SKAP2: variants seen among roughly 807,000 people sequenced by gnomAD.
SKAP2 encodes src kinase-associated phosphoprotein 2.
SKAP2 carries 28 observed loss-of-function variants against 54.9 expected under a neutral mutation model. That is an observed-to-expected ratio of 0.51 (90% CI 0.38 to 0.70). The LOEUF (loss-of-function observed/expected upper bound fraction) is 0.70. SKAP2 is among the 30% of genes least tolerant of loss of function. SKAP2 has a pLI of 0.00. For synonymous variants in SKAP2, 137 were observed against 134.3 expected (o/e 1.02, Z -0.14); for missense variants, 356 against 424.1 (o/e 0.84, Z 1.41).
chr7:26,777,293 T>C (rs1447447495), intron 4 of SKAP2, among the ~76,000 whole-genome samples: 5 of 152,104 alleles, frequency 3.3e-5, no homozygotes, highest in African/African-American at 9.7e-5. Flanking sequence ...GATGCTTGAA[T>C]AAAACACAAA....
chr7:26,782,716 T>G, intron 4 of SKAP2, among the ~76,000 whole-genome samples: 1 of 152,026 alleles, frequency 6.6e-6, no homozygotes, highest in East Asian at 1.9e-4. Flanking sequence ...GGTGGAGCCT[T>G]TGGGAGGTGA....
intron 4 of SKAP2, among the ~76,000 whole-genome samples, chr7:26,822,646 C>A (rs62448195): frequency 0.045 from 6,846 of 151,532 alleles, 397 homozygotes; most frequent in East Asian, 0.3. Flanking sequence ...GAGGCCAAGG[C>A]GGGTGGATCA....
At chr7:26,709,372 G>C (rs1165248482) in intron 9 of SKAP2, among the ~76,000 whole-genome samples, 4 of 152,158 alleles carry the variant, frequency 2.6e-5, no homozygotes, top group African/African-American at 9.7e-5. Flanking sequence ...AAAGGGTGTG[G>C]AGTGGAAAAG....
intron 9 of SKAP2, among the ~76,000 whole-genome samples, chr7:26,706,964 C>G (rs570533791): frequency 6.6e-6 from 1 of 152,156 alleles, no homozygotes; most frequent in South Asian, 2.1e-4. Flanking sequence ...AATTTTTATC[C>G]TAAATAGCAT....
At chr7:26,677,226 A>G (rs918956460) in intron 11 of SKAP2, among the ~76,000 whole-genome samples, 11 of 152,148 alleles carry the variant, frequency 7.2e-5, no homozygotes, top group African/African-American at 2.7e-4. Flanking sequence ...CCCTATGTCT[A>G]CTAAAAATAC....
intron 4 of SKAP2, among the ~76,000 whole-genome samples, chr7:26,811,157 C>T (rs58760954): frequency 0.21 from 32,307 of 151,966 alleles, 3,519 homozygotes; most frequent in Non-Finnish European, 0.24. Flanking sequence ...ATTCGTGTTC[C>T]ACCAGAAAAA....
chr7:26,743,351 G>GT (rs1782496135), intron 4 of SKAP2, among the ~76,000 whole-genome samples: 1 of 151,942 alleles, frequency 6.6e-6, no homozygotes. Context: ...TAATGTAAAC[G>GT]TAAGACTATG....
chr7:26,848,827 T>C (rs1008715010), intron 3 of SKAP2, among the ~76,000 whole-genome samples: 1 of 152,198 alleles, frequency 6.6e-6, no homozygotes, highest in African/African-American at 2.4e-5. Context: ...TCTAGGTCAA[T>C]GAAAGGAAGA....
chr7:26,755,729 C>A (rs192655453), intron 4 of SKAP2, among the ~76,000 whole-genome samples: 1 of 152,224 alleles, frequency 6.6e-6, no homozygotes, highest in Non-Finnish European at 1.5e-5. Flanking sequence ...AATGAACAAA[C>A]AAATGAATAA....
At chr7:26,830,214 G>A (rs563424659) in intron 4 of SKAP2, among the ~76,000 whole-genome samples, 3 of 152,140 alleles carry the variant, frequency 2.0e-5, no homozygotes, top group Non-Finnish European at 2.9e-5. Context: ...TAGATTCATA[G>A]TTGCCTAGGC....
intron 3 of SKAP2, 54 bp from the exon 4 acceptor site, chr7:26,844,191 A>G: frequency 1.9e-6 from 2 of 1,057,854 alleles, no homozygotes; most frequent in African/African-American, 3.1e-5. Flanking sequence ...AGCCATTTAA[A>G]GTAATGTTAC....
At chr7:26,696,934 C>T (rs1029531689) in intron 9 of SKAP2, among the ~76,000 whole-genome samples, 2 of 151,880 alleles carry the variant, frequency 1.3e-5, no homozygotes, top group Non-Finnish European at 2.9e-5. Context: ...AAAAAAATAC[C>T]CATACACACA....
intron 4 of SKAP2, among the ~76,000 whole-genome samples, chr7:26,781,436 T>C (rs1432724997): frequency 6.6e-6 from 1 of 152,152 alleles, no homozygotes; most frequent in Non-Finnish European, 1.5e-5. Flanking sequence ...AAGATGGAAG[T>C]GCAAATACCA....
At chr7:26,716,330 A>G (rs1366849565) in intron 9 of SKAP2, among the ~76,000 whole-genome samples, 1 of 136,892 alleles carries the variant, frequency 7.3e-6, no homozygotes, top group Non-Finnish European at 1.5e-5. Flanking sequence ...TTTGAGCTTT[A>G]TCTTCTTTCA....
chr7:26,702,942 C>T (rs1459061705), intron 9 of SKAP2, among the ~76,000 whole-genome samples: 1 of 152,224 alleles, frequency 6.6e-6, no homozygotes, highest in Non-Finnish European at 1.5e-5. Flanking sequence ...GGTTATCAAA[C>T]TTCAGCAGCA....
At chr7:26,834,699 A>G (rs1191665121) in intron 4 of SKAP2, among the ~76,000 whole-genome samples, 2 of 152,216 alleles carry the variant, frequency 1.3e-5, no homozygotes, top group Non-Finnish European at 2.9e-5. Context: ...TGAGGCAGTA[A>G]TTAACAGCCT....
chr7:26,708,224 G>C lies in SKAP2; in HGVS notation c.796+17204C>G, dbSNP rs150736533. Among the ~76,000 whole-genome samples the C allele has an allele frequency of 5.7e-3, 862 of 152,250 alleles. 4 individuals carry two copies. Among genetic ancestry groups the C allele is most frequent in the Non-Finnish European group, 0.01 (686 of 68,010 alleles). On this transcript the variant is annotated intron_variant, in intron 9 of 12. Coordinates refer to ENST00000345317, the MANE Select transcript of SKAP2 (RefSeq NM_003930.5). Reference sequence around the variant, plus strand: ...GAGATTCAAAACACATTATTACACTGGTCCCATCTCTTTGCTTTCACTGGG... The same window carrying C: ...GAGATTCAAAACACATTATTACACTCGTCCCATCTCTTTGCTTTCACTGGG...
intron 4 of SKAP2, among the ~76,000 whole-genome samples, chr7:26,750,293 G>A (rs6943568): frequency 0.62 from 91,894 of 148,906 alleles, 28,933 homozygotes; most frequent in East Asian, 0.88. Flanking sequence ...ATACCTAATA[G>A]ATATACCTAA....
At chr7:26,656,219 T>C in the SKAP2 span, among the ~76,000 whole-genome samples, 1 of 152,206 alleles carries the variant, frequency 6.6e-6, no homozygotes, top group African/African-American at 2.4e-5. Flanking sequence ...ACAATATGCA[T>C]GATAAGCTAA....
Sources: gnomAD v4.1 joint callset for allele counts (sites outside exome capture counted in the v4.1 genomes callset) on GRCh38, gnomAD v4.1.1 for gene constraint, MANE v1.5 for transcripts, NCBI Gene and HGNC (gene_info 2026-07-23, HGNC 2026-07-21) for gene names.